The following SPRR2D variants were observed in gnomAD, a reference collection of about 807,000 sequenced individuals.
The protein encoded by SPRR2D is small proline-rich protein 2D.
For synonymous variants in SPRR2D, 43 were observed against 32.8 expected (o/e 1.31, Z -1.06); for missense variants, 81 against 87.2 (o/e 0.93, Z 0.28).
intron 1 of SPRR2D, 21 bp from the exon 2 acceptor site, chr1:153,040,386 G>A: frequency 6.2e-7 from 1 of 1,609,540 alleles, no homozygotes. Context: ...TGATACAACA[G>A]TGTTTGTGGG....
In SPRR2D at chr1:153,039,765, G is replaced by A. The variant is rs1388277979; in HGVS notation, c.*363C>T. 4.9e-6 allele frequency: 2 copies of A among 408,556 alleles called. No individual in the cohort carries two copies. Among genetic ancestry groups the A allele is most frequent in the East Asian group, 3.7e-5 (1 of 26,894 alleles). The allele number at this position is 408,556 out of a possible 1,614,324, so 25.3% of individuals were successfully genotyped here. A position where few individuals can be genotyped will look rare whatever the true frequency, so the allele number is the denominator to read the frequency against. On this transcript the variant is annotated 3_prime_UTR_variant, in exon 2 of 2. Coordinates refer to ENST00000360379, the MANE Select transcript of SPRR2D (RefSeq NM_006945.5). ...TAGATACTTTATTCAGGGAGTGAAA[G>A]ATAAATGACAATTGCAAAGGTGGTA... is the stretch of plus-strand genomic sequence containing the variant.
In SPRR2D at chr1:153,040,104, T is replaced by C. The variant is rs753997456; in HGVS notation, c.*24A>G. 3 of 1,607,954 alleles carry C rather than the reference T, an allele frequency of 1.9e-6. No homozygotes were observed. Among genetic ancestry groups the C allele is most frequent in the Admixed American group, 1.7e-5 (1 of 59,790 alleles). ...TGAGCCAATTATCCTTATCCTCTCATGCTCCTGATGAATCCTGAAGCTGTT... is the reference window on the plus strand; with the variant it reads ...TGAGCCAATTATCCTTATCCTCTCACGCTCCTGATGAATCCTGAAGCTGTT... On this transcript the variant is annotated 3_prime_UTR_variant, in exon 2 of 2. Coordinates refer to ENST00000360379, the MANE Select transcript of SPRR2D (RefSeq NM_006945.5).
In SPRR2D at chr1:153,039,963, G is replaced by A. The variant is rs3204299; in HGVS notation, c.*165C>T. 19 of 1,364,184 alleles carry A rather than the reference G, an allele frequency of 1.4e-5. No homozygotes were observed. The East Asian group carries it at 3.1e-4, about 22-fold the overall frequency. The allele number at this position is 1,364,184 out of a possible 1,614,324, so 84.5% of individuals were successfully genotyped here. A position where few individuals can be genotyped will look rare whatever the true frequency, so the allele number is the denominator to read the frequency against. On this transcript the variant is annotated 3_prime_UTR_variant, in exon 2 of 2. Coordinates refer to ENST00000360379, the MANE Select transcript of SPRR2D (RefSeq NM_006945.5). Reference sequence around the variant, plus strand: ...TGGCAGTATGGCAGCCTCAGAAAGGGAATCTTTTGCTGTCACAGATCATCA... The same window carrying A: ...TGGCAGTATGGCAGCCTCAGAAAGGAAATCTTTTGCTGTCACAGATCATCA...
chr1:153,040,482 T>C, intron 1 of SPRR2D, 117 bp from the exon 2 acceptor site: 3 of 1,475,960 alleles, frequency 2.0e-6, no homozygotes. Context: ...ATTTAAACTC[T>C]TAACTGCCTT....
At position 153,040,177 on chromosome 1, in the gene SPRR2D, A is replaced by C. The variant is rs148544013; in HGVS notation, c.170T>G (p.Val57Gly). 5.6e-5 allele frequency: 91 copies of C among 1,612,990 alleles called. No homozygotes were observed. The highest frequency in any genetic ancestry group is 1.9e-4 in the Middle Eastern group (1 of 5,304). The stretch of plus-strand genomic sequence containing the variant: ...TGGCTGGCAGGGTGGGGAAGGTGTC[A>C]CAGGAGGATATTTCTGCTGGCACTG... The part of the protein sequence containing the change: ...PQQCQQKYPP[V>G]TPSPPCQPKC... The change falls in exon 2 of 2, where the codon GTG becomes GGG. Residue 57 changes from valine (V) to glycine (G), a missense_variant. Physicochemically the swap from Val to Gly is moderately radical, Grantham distance 109. Transcript: ENST00000360379.
Position 153,040,818 on chromosome 1 carries a change from A to G in SPRR2D, c.-20+260T>C, listed in dbSNP as rs1248177910. 5 of 182,452 alleles carry G rather than the reference A, an allele frequency of 2.7e-5. No homozygotes were observed. The East Asian group carries it at 4.8e-4, about 18-fold the overall frequency. 11.3% of individuals were successfully genotyped at this position (182,452 alleles called of 1,614,324 possible). A position where few individuals can be genotyped will look rare whatever the true frequency, so the allele number is the denominator to read the frequency against. On this transcript the variant is annotated intron_variant, in intron 1 of 1. Transcript: ENST00000360379. The stretch of plus-strand genomic sequence containing the variant: ...AACCTTTGAAAAAGACACCAGGAAA[A>G]CATGGGGAAAAAATACTTTGTTCTT...
Position 153,040,264 on chromosome 1 carries a change from G to A in SPRR2D, c.83C>T (p.Pro28Leu), listed in dbSNP as rs1001513669. 1.9e-6 allele frequency: 3 copies of A among 1,612,408 alleles called. No homozygotes were observed. The highest frequency in any genetic ancestry group is 1.7e-6 in the Non-Finnish European group (2 of 1,179,866). ...GCAGGGCTCAGGGCACTTCGGGGGT[G>A]GACATGGCTCTGGGCACTTTGGCGT... ...CPTPKCPEPC[P>L]PPKCPEPCPS... The change falls in exon 2 of 2, where the codon CCA (proline) becomes CTA (leucine). Residue 28 changes from proline (P) to leucine (L), a missense_variant. By Grantham distance (98) the Pro-to-Leu change is moderately conservative. Coordinates refer to ENST00000360379, the MANE Select transcript of SPRR2D (RefSeq NM_006945.5).
chr1:153,040,993 T>G (rs752525346), intron 1 of SPRR2D, 85 bp downstream of exon 1: 24 of 155,978 alleles, frequency 1.5e-4, no homozygotes, highest in Admixed American at 1.4e-3. Context: ...GGTTACAGAA[T>G]TGTATCAACC....
chr1:153,040,433 T>TA, intron 1 of SPRR2D, 68 bp from the exon 2 acceptor site: 1 of 1,593,710 alleles, frequency 6.3e-7, no homozygotes, highest in Non-Finnish European at 8.5e-7. Context: ...AATGCTTATG[T>TA]AATACCATGA....
chr1:153,040,499 A>G, intron 1 of SPRR2D, 134 bp from the exon 2 acceptor site: 1 of 1,423,278 alleles, frequency 7.0e-7, no homozygotes, highest in Non-Finnish European at 9.3e-7. Context: ...CCTTTTCAAG[A>G]CTACTTCGTT....
intron 1 of SPRR2D, 165 bp from the exon 2 acceptor site, chr1:153,040,530 A>T: frequency 1.6e-6 from 2 of 1,216,832 alleles, no homozygotes; most frequent in Non-Finnish European, 2.2e-6. Context: ...ACTTTAGCAA[A>T]TTGCTTCATT....
intron 1 of SPRR2D, 89 bp from the exon 2 acceptor site, chr1:153,040,454 C>CT (rs1653960840): frequency 2.6e-6 from 4 of 1,558,848 alleles, no homozygotes; most frequent in Middle Eastern, 2.3e-4. Context: ...AATATTATTT[C>CT]CCCATCTCCA....
Position 153,039,908 on chromosome 1 carries a change from G to C in SPRR2D, c.*220C>G. 1 of 929,592 alleles carries C rather than the reference G, an allele frequency of 1.1e-6. No homozygotes were observed. The highest frequency in any genetic ancestry group is 1.6e-6 in the Non-Finnish European group (1 of 633,720). 57.6% of individuals were successfully genotyped at this position (929,592 alleles called of 1,614,324 possible). A position where few individuals can be genotyped will look rare whatever the true frequency, so the allele number is the denominator to read the frequency against. ...AGCTCTGGGAGCTGGCACAGCTGAG[G>C]ACTTCCTTTTCTTAGCTCCACCTGG... On this transcript the variant is annotated 3_prime_UTR_variant, in exon 2 of 2. Transcript: ENST00000360379.
In SPRR2D at chr1:153,040,309, T is replaced by G; in HGVS notation, c.38A>C (p.Gln13Pro). 6.2e-7 allele frequency: 1 copy of G among 1,612,130 alleles called. No individual in the cohort carries two copies. ...YQQQQCKQPC[Q>P]PPPVCPTPKC... ...TGGCGTGGGGCACACAGGAGGTGGC[T>G]GGCAGGGCTGCTTGCACTGCTGCTG... The change falls in exon 2 of 2, where the codon CAG becomes CCG. Residue 13 changes from glutamine to proline, a missense_variant. Physicochemically the swap from Gln to Pro is moderately conservative, Grantham distance 76. Transcript: ENST00000360379.
chr1:153,040,666 C>A, intron 1 of SPRR2D: 1 of 493,592 alleles, frequency 2.0e-6, no homozygotes. Flanking sequence ...AGTTCAGATA[C>A]CATGAGCAAT....
At chr1:153,040,405 C>T (rs1470022269) in intron 1 of SPRR2D, 40 bp from the exon 2 acceptor site, 10 of 1,607,352 alleles carry the variant, frequency 6.2e-6, no homozygotes, top group Non-Finnish European at 7.6e-6. Flanking sequence ...GGAAGGGACT[C>T]CTCCAGAGAG....
rs148544013 is a variant in SPRR2D at position 153,040,177 on chromosome 1, A to T, written c.170T>A (p.Val57Glu). The T allele has an allele frequency of 6.2e-7, 1 of 1,612,872 alleles. No individual in the cohort carries two copies. The highest frequency in any genetic ancestry group is 2.2e-5 in the East Asian group (1 of 44,880). ...TGGCTGGCAGGGTGGGGAAGGTGTC[A>T]CAGGAGGATATTTCTGCTGGCACTG... ...PQQCQQKYPP[V>E]TPSPPCQPKC... The change falls in exon 2 of 2, where the codon GTG becomes GAG. Residue 57 changes from valine (V) to glutamate (E), a missense_variant. Coordinates refer to ENST00000360379, the MANE Select transcript of SPRR2D (RefSeq NM_006945.5).
chr1:153,040,539 T>A, intron 1 of SPRR2D, 174 bp from the exon 2 acceptor site: 1 of 1,166,000 alleles, frequency 8.6e-7, no homozygotes, highest in Non-Finnish European at 1.2e-6. Flanking sequence ...AATTGCTTCA[T>A]TGGCCCTGGG....
chr1:153,040,457 C>A (rs1653961044), intron 1 of SPRR2D, 92 bp from the exon 2 acceptor site: 3 of 1,551,684 alleles, frequency 1.9e-6, no homozygotes, highest in Middle Eastern at 2.3e-4. Context: ...ATTATTTCCC[C>A]ATCTCCAAGA....
Sources: allele counts gnomAD v4.1 joint callset, GRCh38; gene constraint gnomAD v4.1.1; transcripts MANE v1.5; gene names NCBI Gene and HGNC (gene_info 2026-07-23, HGNC 2026-07-21).